GALNTL6: variants seen among roughly 807,000 people sequenced by gnomAD.
GALNTL6 encodes polypeptide N-acetylgalactosaminyltransferase-like 6.
Under a neutral mutation model 73.7 loss-of-function variants are expected in GALNTL6, and 46 were observed. That is an observed-to-expected ratio of 0.62 (90% confidence interval 0.49 to 0.80). The LOEUF is 0.80. Ranked by LOEUF, GALNTL6 falls within the 30% of genes least tolerant of loss-of-function variation. The pLI is 0.00. For missense variants in GALNTL6, 604 were observed against 755.0 expected (o/e 0.80, Z 2.34); for synonymous variants, 259 against 263.7 (o/e 0.98, Z 0.17).
chr4:172,264,444 A>G (rs1404326312), intron 3 of GALNTL6, among the ~76,000 whole-genome samples: 2 of 145,896 alleles, frequency 1.4e-5, no homozygotes, highest in Non-Finnish European at 3.0e-5. Flanking sequence ...TAACATTTTA[A>G]ATAAGGTTGG....
chr4:172,312,805 A>G (rs1487812113), intron 4 of GALNTL6, among the ~76,000 whole-genome samples: 1 of 152,206 alleles, frequency 6.6e-6, no homozygotes, highest in Non-Finnish European at 1.5e-5. Context: ...ATTTAAAATT[A>G]TGAAATAATT....
intron 5 of GALNTL6, among the ~76,000 whole-genome samples, chr4:172,665,695 A>G (rs1053353839): frequency 3.9e-5 from 6 of 152,218 alleles, no homozygotes; most frequent in African/African-American, 1.4e-4. Flanking sequence ...GACTATGACT[A>G]TTTTGCCTAT....
chr4:172,861,090 T>C (rs1744368984), intron 7 of GALNTL6, among the ~76,000 whole-genome samples: 1 of 152,188 alleles, frequency 6.6e-6, no homozygotes, highest in Admixed American at 6.5e-5. Flanking sequence ...TTTTGTCTTG[T>C]AAAAATGAAG....
intron 5 of GALNTL6, among the ~76,000 whole-genome samples, chr4:172,551,503 G>T (rs969590139): frequency 6.6e-6 from 1 of 152,074 alleles, no homozygotes; most frequent in African/African-American, 2.4e-5. Flanking sequence ...CTGTCCATTT[G>T]ATCTTTAAAT....
intron 5 of GALNTL6, among the ~76,000 whole-genome samples, chr4:172,564,075 CTAT>C (rs1212342679): frequency 6.6e-6 from 1 of 152,062 alleles, no homozygotes; most frequent in Non-Finnish European, 1.5e-5. Flanking sequence ...GTTTTATTTT[CTAT>C]TATTAGATCA....
chr4:172,381,935 G>A (rs1743298562), intron 5 of GALNTL6, among the ~76,000 whole-genome samples: 1 of 151,848 alleles, frequency 6.6e-6, no homozygotes, highest in Non-Finnish European at 1.5e-5. Flanking sequence ...AAATTTATGA[G>A]AATTTTCATT....
At chr4:172,035,521 G>A (rs906716117) in intron 2 of GALNTL6, among the ~76,000 whole-genome samples, 2 of 152,138 alleles carry the variant, frequency 1.3e-5, no homozygotes, top group Admixed American at 1.3e-4. Context: ...CATTTCATGT[G>A]ACAATAATTT....
At chr4:172,884,399 T>C (rs1439041412) in intron 8 of GALNTL6, among the ~76,000 whole-genome samples, 2 of 152,226 alleles carry the variant, frequency 1.3e-5, no homozygotes, top group Admixed American at 6.5e-5. Context: ...CATATACCTG[T>C]TGGCCATTTG....
intron 5 of GALNTL6, among the ~76,000 whole-genome samples, chr4:172,396,894 G>A (rs1743868124): frequency 6.6e-6 from 1 of 152,042 alleles, no homozygotes; most frequent in Admixed American, 6.6e-5. Flanking sequence ...AGGACTAATA[G>A]CAAAACATCC....
intron 2 of GALNTL6, among the ~76,000 whole-genome samples, chr4:171,918,627 G>A (rs1011257893): frequency 6.6e-6 from 1 of 152,076 alleles, no homozygotes; most frequent in Admixed American, 6.6e-5. Context: ...ATATGATCCA[G>A]CAATCTTACT....
intron 2 of GALNTL6, among the ~76,000 whole-genome samples, chr4:171,929,009 A>C (rs1738083209): frequency 6.6e-6 from 1 of 152,196 alleles, no homozygotes; most frequent in African/African-American, 2.4e-5. Context: ...TTTCATAATC[A>C]CATATTTTTA....
intron 5 of GALNTL6, among the ~76,000 whole-genome samples, chr4:172,380,946 A>G (rs1198318838): frequency 1.3e-5 from 2 of 152,218 alleles, no homozygotes; most frequent in African/African-American, 4.8e-5. Context: ...AGTTAAATTA[A>G]AGAGATAATC....
intron 5 of GALNTL6, among the ~76,000 whole-genome samples, chr4:172,605,252 A>G (rs975520911): frequency 6.6e-6 from 1 of 152,186 alleles, no homozygotes; most frequent in African/African-American, 2.4e-5. Flanking sequence ...TAGGAAAAGT[A>G]TGAGGATTTC....
chr4:172,699,067 T>C (rs1443119408), intron 5 of GALNTL6, among the ~76,000 whole-genome samples: 2 of 152,126 alleles, frequency 1.3e-5, no homozygotes, highest in Admixed American at 6.6e-5. Flanking sequence ...TTCTGGTTCA[T>C]AGAAAGAGCC....
At chr4:172,955,462 A>G (rs1749668805) in intron 10 of GALNTL6, among the ~76,000 whole-genome samples, 1 of 149,614 alleles carries the variant, frequency 6.7e-6, no homozygotes, top group African/African-American at 2.5e-5. Context: ...AAATAAAAAG[A>G]AAAAAAAAAG....
At chr4:172,476,218 G>C (rs2111472000) in intron 5 of GALNTL6, among the ~76,000 whole-genome samples, 1 of 152,322 alleles carries the variant, frequency 6.6e-6, no homozygotes, top group Admixed American at 6.5e-5. Context: ...CCCAGATCAA[G>C]ACACTTCCTC....
intron 5 of GALNTL6, among the ~76,000 whole-genome samples, chr4:172,376,152 A>G (rs1743022065): frequency 6.6e-6 from 1 of 152,170 alleles, no homozygotes; most frequent in Non-Finnish European, 1.5e-5. Flanking sequence ...GTGCCTAAAG[A>G]AGATAACAGA....
At chr4:172,418,410 T>A (rs758247756) in intron 5 of GALNTL6, among the ~76,000 whole-genome samples, 6 of 152,124 alleles carry the variant, frequency 3.9e-5, no homozygotes, top group Admixed American at 6.6e-5. Context: ...TGTATTGGGA[T>A]CACATGACTT....
chr4:172,214,094 A>G lies in GALNTL6; in HGVS notation c.139-15562A>G, dbSNP rs1171346482. On this transcript the variant is annotated intron_variant, in intron 2 of 12. Coordinates refer to ENST00000506823, the MANE Select transcript of GALNTL6 (RefSeq NM_001034845.3). ...TGACTTGTCTTTGTTTCATTGTCAG[A>G]GATCGGTGGACTATGTTTGTGCATG... Among the ~76,000 whole-genome samples the G allele has an allele frequency of 4.6e-5, 7 of 152,172 alleles. No homozygotes were observed. The East Asian group carries it at 1.3e-3, about 29-fold the overall frequency.
Sources: allele counts gnomAD v4.1 joint callset (sites outside exome capture counted in the v4.1 genomes callset), GRCh38; gene constraint gnomAD v4.1.1; transcripts MANE v1.5; gene names NCBI Gene and HGNC (gene_info 2026-07-23, HGNC 2026-07-21).